The following UGDH variants were observed in gnomAD, a reference collection of about 807,000 sequenced individuals.
The protein encoded by UGDH is UDP-glucose 6-dehydrogenase, also known as UDP-Glc dehydrogenase.
In UGDH, 38 loss-of-function variants were observed where a neutral mutation model predicts 50.6. That is an observed-to-expected ratio of 0.75 (90% CI 0.58 to 0.98). The LOEUF is 0.98. Ranked by LOEUF, UGDH falls within the 50% of genes least tolerant of loss-of-function variation. UGDH has a pLI of 0.00. For synonymous variants in UGDH, 168 were observed against 199.9 expected (o/e 0.84, Z 1.35); for missense variants, 465 against 606.2 (o/e 0.77, Z 2.45).
At chr4:39,517,350 G>A (rs1375343099) in intron 2 of UGDH, among the ~76,000 whole-genome samples, 1 of 151,770 alleles carries the variant, frequency 6.6e-6, no homozygotes, top group African/African-American at 2.4e-5. Flanking sequence ...TTACAGGCGC[G>A]AGCCACTACA....
rs376803708 is a variant in UGDH, at chr4:39,527,206, C to A, written c.-8+77G>T. On this transcript the variant is annotated intron_variant, in intron 1 of 11. Coordinates refer to ENST00000316423, the MANE Select transcript of UGDH (RefSeq NM_003359.4). ...CCGGGAGCAGCGCGCACACCCCAGC[C>A]CCGCTCCCTCCACATCCCGCCCAGA... The A allele has an allele frequency of 1.3e-5, 14 of 1,067,264 alleles. No homozygotes were observed. In the East Asian group the frequency reaches 1.8e-4, roughly 14 times the overall value. The allele number at this position is 1,067,264 out of a possible 1,614,324, so 66.1% of individuals were successfully genotyped here.
intron 2 of UGDH, among the ~76,000 whole-genome samples, chr4:39,520,509 T>G (rs1216379473): frequency 6.6e-6 from 1 of 151,896 alleles, no homozygotes; most frequent in Admixed American, 6.6e-5. Flanking sequence ...GGAAACCAGA[T>G]AGCTCAGTAA....
intron 3 of UGDH, among the ~76,000 whole-genome samples, chr4:39,512,816 T>C (rs954410079): frequency 7.1e-6 from 1 of 139,934 alleles, no homozygotes; most frequent in Non-Finnish European, 1.5e-5. Context: ...AAGAAGAGAC[T>C]GAATTTTTTT....
At chr4:39,501,122 C>A (rs1254335296) in intron 11 of UGDH, among the ~76,000 whole-genome samples, 2 of 151,932 alleles carry the variant, frequency 1.3e-5, no homozygotes, top group African/African-American at 4.8e-5. Flanking sequence ...CCCGCCACCA[C>A]ACCAGGCTAA....
Position 39,498,847 on chromosome 4 carries a change from A to C in UGDH, c.*1296T>G, listed in dbSNP as rs1398220291. The C allele has an allele frequency of 6.6e-6, 1 of 152,174 alleles. No homozygotes were observed. The highest frequency in any genetic ancestry group is 2.4e-5 in the African/African-American group (1 of 41,448). The allele number at this position is 152,174 out of a possible 1,614,324, so 9.4% of individuals were successfully genotyped here. Reference sequence around the variant, plus strand: ...TATATTTGTCTCCCTCTTCTCATTGAACTGCAAAATTCCTGAAGGATGAGA... The same window carrying C: ...TATATTTGTCTCCCTCTTCTCATTGCACTGCAAAATTCCTGAAGGATGAGA... On this transcript the variant is annotated 3_prime_UTR_variant, in exon 12 of 12. Transcript: ENST00000316423.
In UGDH at chr4:39,502,263, TAGA is replaced by T. The variant is rs1236773385; in HGVS notation, c.1374+1609_1374+1611del. On this transcript the variant is annotated intron_variant, in intron 11 of 11. Coordinates refer to ENST00000316423, the MANE Select transcript of UGDH (RefSeq NM_003359.4). ...TGTTACTCACTAGGGAGGGGTGGAATAGAAGAGTCCCCAAGGTCTTGGATGGAA... is the reference window on the plus strand; with the variant it reads ...TGTTACTCACTAGGGAGGGGTGGAATAGAGTCCCCAAGGTCTTGGATGGAA... Among the ~76,000 whole-genome samples the T allele has an allele frequency of 2.0e-5, 3 of 152,298 alleles. No individual in the cohort carries two copies. The East Asian group carries it at 5.8e-4, about 29-fold the overall frequency.
At chr4:39,527,178 C>A in intron 1 of UGDH, 105 bp downstream of exon 1, 1 of 1,243,060 alleles carries the variant, frequency 8.0e-7, no homozygotes, top group Non-Finnish European at 1.1e-6. Context: ...GCGCAGCGAG[C>A]GACCGGGAGC....
chr4:39,502,931 T>C (rs922739156), intron 11 of UGDH, among the ~76,000 whole-genome samples: 4 of 152,106 alleles, frequency 2.6e-5, no homozygotes, highest in African/African-American at 4.8e-5. Context: ...TATTTTTTTT[T>C]CCCAAAACGG....
chr4:39,514,922 T>C (rs182772757), intron 2 of UGDH, among the ~76,000 whole-genome samples: 22 of 152,156 alleles, frequency 1.4e-4, no homozygotes, highest in African/African-American at 5.3e-4. Flanking sequence ...CCTCAGGTAA[T>C]CCACCTGCCT....
chr4:39,527,060 G>C (rs1011930697), intron 1 of UGDH: 2 of 1,289,424 alleles, frequency 1.6e-6, no homozygotes, highest in Non-Finnish European at 2.0e-6. Flanking sequence ...CACGAGTCTT[G>C]AATAAGAAGC....
At chr4:39,513,108 C>T (rs890247591) in intron 3 of UGDH, among the ~76,000 whole-genome samples, 1 of 151,982 alleles carries the variant, frequency 6.6e-6, no homozygotes, top group African/African-American at 2.4e-5. Flanking sequence ...ATGCCCAGCT[C>T]GTAAAGATCT....
intron 2 of UGDH, among the ~76,000 whole-genome samples, chr4:39,521,065 G>A (rs1422246598): frequency 9.1e-6 from 1 of 110,228 alleles, no homozygotes; most frequent in African/African-American, 5.0e-5. Context: ...GGAAGACTCC[G>A]TCTCAAAAAA....
At chr4:39,500,780 G>A (rs919867116) in intron 11 of UGDH, among the ~76,000 whole-genome samples, 1 of 148,924 alleles carries the variant, frequency 6.7e-6, no homozygotes, top group Non-Finnish European at 1.5e-5. Flanking sequence ...TCTGCCTTCT[G>A]AGTAGCTGGG....
At chr4:39,517,238 C>T (rs1376414584) in intron 2 of UGDH, among the ~76,000 whole-genome samples, 4 of 147,122 alleles carry the variant, frequency 2.7e-5, no homozygotes, top group East Asian at 2.0e-4. Flanking sequence ...GAGTCTCACT[C>T]TGTTGCTAGG....
At chr4:39,511,955 A>C (rs1746263396) in intron 3 of UGDH, among the ~76,000 whole-genome samples, 1 of 150,944 alleles carries the variant, frequency 6.6e-6, no homozygotes, top group Non-Finnish European at 1.5e-5. Flanking sequence ...TGCCTGCCTC[A>C]GCCTCCCAAA....
intron 1 of UGDH, among the ~76,000 whole-genome samples, chr4:39,524,534 A>T (rs1378254385): frequency 6.7e-6 from 1 of 149,702 alleles, no homozygotes; most frequent in Non-Finnish European, 1.5e-5. Context: ...ACAAGGTCTC[A>T]CTCTGTTGCC....
At chr4:39,508,328 G>A (rs1393194952) in intron 7 of UGDH, among the ~76,000 whole-genome samples, 1 of 152,058 alleles carries the variant, frequency 6.6e-6, no homozygotes, top group Non-Finnish European at 1.5e-5. Flanking sequence ...CCAACTCCTA[G>A]GCTCAAGTGA....
intron 3 of UGDH, among the ~76,000 whole-genome samples, chr4:39,511,917 G>A (rs1477626360): frequency 6.6e-6 from 1 of 151,158 alleles, no homozygotes; most frequent in East Asian, 2.0e-4. Context: ...TGGCCAGGGT[G>A]GTCTCAAACT....
At chr4:39,505,468 T>C (rs892279993) in intron 8 of UGDH, 98 bp from the exon 9 acceptor site, 28 of 1,179,036 alleles carry the variant, frequency 2.4e-5, no homozygotes, top group Non-Finnish European at 2.8e-5. Context: ...TTTCTGAAGC[T>C]GGTAGAGTGG....
Sources: gnomAD v4.1 joint callset for allele counts (sites outside exome capture counted in the v4.1 genomes callset) on GRCh38, gnomAD v4.1.1 for gene constraint, MANE v1.5 for transcripts, NCBI Gene and HGNC (gene_info 2026-07-23, HGNC 2026-07-21) for gene names.